The following PLCB1 variants were observed in gnomAD, a reference collection of about 807,000 sequenced individuals.
PLCB1 encodes the protein 1-phosphatidylinositol 4,5-bisphosphate phosphodiesterase beta-1.
A neutral mutation model predicts 161.8 loss-of-function variants in PLCB1; 46 were observed. That is an observed-to-expected ratio of 0.28 (90% CI 0.22 to 0.36). The LOEUF (loss-of-function observed/expected upper bound fraction) is 0.36, where lower values mean the gene tolerates loss of function less well. Ranked by LOEUF, PLCB1 falls within the 10% of genes least tolerant of loss-of-function variation. The pLI, the probability that PLCB1 is intolerant of heterozygous loss-of-function variation, is 1.00. For missense variants in PLCB1, 1,016 were observed against 1,472.5 expected (o/e 0.69, Z 5.07); for synonymous variants, 517 against 503.7 (o/e 1.03, Z -0.35).
At chr20:8,416,628 T>G (rs1979282838) in intron 3 of PLCB1, among the ~76,000 whole-genome samples, 1 of 152,094 alleles carries the variant, frequency 6.6e-6, no homozygotes, top group Non-Finnish European at 1.5e-5. Flanking sequence ...TAAAAGATTC[T>G]GTAGATATTG....
chr20:8,186,465 G>A (rs2051907451), intron 2 of PLCB1, among the ~76,000 whole-genome samples: 1 of 152,114 alleles, frequency 6.6e-6, no homozygotes, highest in Non-Finnish European at 1.5e-5. Context: ...GAAGTAGGCT[G>A]TTTCATGTCT....
chr20:8,620,623 C>T (rs552901644), intron 3 of PLCB1, among the ~76,000 whole-genome samples: 2 of 151,474 alleles, frequency 1.3e-5, no homozygotes, highest in South Asian at 4.2e-4. Flanking sequence ...ACCTGTGGTC[C>T]CAGCTATTTG....
At chr20:8,437,952 A>G (rs1980382428) in intron 3 of PLCB1, among the ~76,000 whole-genome samples, 1 of 152,204 alleles carries the variant, frequency 6.6e-6, no homozygotes. Context: ...CAAACAGACT[A>G]TGCCATTATA....
chr20:8,721,390 C>A (rs752897437), intron 14 of PLCB1, among the ~76,000 whole-genome samples: 1 of 152,198 alleles, frequency 6.6e-6, no homozygotes, highest in Non-Finnish European at 1.5e-5. Flanking sequence ...TTTAGAACAA[C>A]CTCGCTGACT....
intron 3 of PLCB1, among the ~76,000 whole-genome samples, chr20:8,397,883 T>A (rs1490501558): frequency 2.0e-5 from 3 of 152,102 alleles, no homozygotes; most frequent in Non-Finnish European, 4.4e-5. Flanking sequence ...TTAGGTTGTT[T>A]CCATTATTTT....
chr20:8,654,601 T>C (rs1250629246), intron 7 of PLCB1, among the ~76,000 whole-genome samples: 2 of 151,348 alleles, frequency 1.3e-5, no homozygotes, highest in Non-Finnish European at 2.9e-5. Context: ...ATGATGAAGA[T>C]AGATAAAGGG....
At chr20:8,368,263 C>T (rs1055444346) in intron 2 of PLCB1, among the ~76,000 whole-genome samples, 3 of 151,982 alleles carry the variant, frequency 2.0e-5, no homozygotes, top group South Asian at 4.1e-4. Context: ...CACGGTGGCT[C>T]ATGCCTGCAA....
chr20:8,649,283 C>A, intron 6 of PLCB1, 91 bp from the exon 7 acceptor site: 1 of 758,288 alleles, frequency 1.3e-6, no homozygotes. Flanking sequence ...ATAGATTTGA[C>A]TGAATGGAAT....
intron 4 of PLCB1, among the ~76,000 whole-genome samples, chr20:8,638,446 G>C (rs1988836587): frequency 6.6e-6 from 1 of 151,966 alleles, no homozygotes; most frequent in East Asian, 1.9e-4. Flanking sequence ...TCCTCAATCA[G>C]AGCAGGATAT....
chr20:8,513,554 G>C (rs1983982505), intron 3 of PLCB1, among the ~76,000 whole-genome samples: 1 of 152,184 alleles, frequency 6.6e-6, no homozygotes, highest in African/African-American at 2.4e-5. Context: ...AGGTGCTGAA[G>C]CCAAGAGAGA....
chr20:8,605,937 G>A (rs762368187), intron 3 of PLCB1, among the ~76,000 whole-genome samples: 3 of 151,988 alleles, frequency 2.0e-5, no homozygotes, highest in Admixed American at 6.6e-5. Flanking sequence ...TAGGATAATG[G>A]CCTCCAGCTT....
At chr20:8,607,450 C>A (rs577086332) in intron 3 of PLCB1, among the ~76,000 whole-genome samples, 1 of 152,228 alleles carries the variant, frequency 6.6e-6, no homozygotes. Context: ...TTTGCCCCAA[C>A]CACCTCATCA....
chr20:8,827,678 A>G (rs1241117142), intron 31 of PLCB1, among the ~76,000 whole-genome samples: 8 of 152,228 alleles, frequency 5.3e-5, no homozygotes, highest in Admixed American at 5.2e-4. Context: ...AGTTCTATTG[A>G]ATAGTGCCAA....
At chr20:8,605,610 C>CTTTT in intron 3 of PLCB1, among the ~76,000 whole-genome samples, 1 of 88,284 alleles carries the variant, frequency 1.1e-5, no homozygotes, top group African/African-American at 3.8e-5. Context: ...TTGGTGTTTT[C>CTTTT]TTTTTTTTTT....
Position 8,883,635 on chromosome 20 carries a change from T to C in PLCB1, c.*1786T>C, listed in dbSNP as rs967181769. On this transcript the variant is annotated 3_prime_UTR_variant, in exon 32 of 32. Transcript: ENST00000338037. ...TTTAACTTTAAGCAATAACTAGAGA[T>C]TACAATTAAATTTTAATCAAAATGA... The C allele has an allele frequency of 1.3e-5, 2 of 152,406 alleles. No homozygotes were observed. Among genetic ancestry groups the C allele is most frequent in the Admixed American group, 6.5e-5 (1 of 15,276 alleles). The allele number at this position is 152,406 out of a possible 1,614,324, so 9.4% of individuals were successfully genotyped here. A position where few individuals can be genotyped will look rare whatever the true frequency, so the allele number is the denominator to read the frequency against.
In PLCB1 at chr20:8,216,810, A is replaced by C. The variant is rs73897322; in HGVS notation, c.177+66439A>C. On this transcript the variant is annotated intron_variant, in intron 2 of 31. Transcript: ENST00000338037. The stretch of plus-strand genomic sequence containing the variant: ...AAAATATTTGACATCTGCGGTGCCT[A>C]TATAGAAACTCAAGTACATGGAGCT... Among the ~76,000 whole-genome samples, 1,021 of 152,264 alleles carry C rather than the reference A, an allele frequency of 6.7e-3. 18 individuals are homozygous for C. Among genetic ancestry groups the C allele is most frequent in the African/African-American group, 0.023 (959 of 41,588 alleles).
chr20:8,147,112 C>T (rs905739704), intron 1 of PLCB1, among the ~76,000 whole-genome samples: 6 of 152,102 alleles, frequency 3.9e-5, no homozygotes, highest in Non-Finnish European at 7.4e-5. Context: ...GGCCTACATC[C>T]GTGGTTTTGT....
chr20:8,539,634 T>TTCCC (rs1985205751), intron 3 of PLCB1, among the ~76,000 whole-genome samples: 3 of 66,386 alleles, frequency 4.5e-5, no homozygotes, highest in African/African-American at 2.1e-4. Flanking sequence ...CTTTCTTTCT[T>TTCCC]TCTTTCTTTC....
intron 27 of PLCB1, among the ~76,000 whole-genome samples, chr20:8,777,089 A>C (rs1982979471): frequency 6.6e-6 from 1 of 152,144 alleles, no homozygotes; most frequent in South Asian, 2.1e-4. Flanking sequence ...GGGGAACAGC[A>C]CAGTGGCTCT....
Sources: allele counts gnomAD v4.1 joint callset (sites outside exome capture counted in the v4.1 genomes callset), GRCh38; gene constraint gnomAD v4.1.1; transcripts MANE v1.5; gene names NCBI Gene and HGNC (gene_info 2026-07-23, HGNC 2026-07-21).